PRH1: variants seen among roughly 807,000 people sequenced by gnomAD.
The protein encoded by PRH1 is salivary acidic proline-rich phosphoprotein 1/2.
A neutral mutation model predicts 7.9 loss-of-function variants in PRH1; 7 were observed. That is an observed-to-expected ratio of 0.89 (90% CI 0.50 to 1.67). PRH1 has a LOEUF of 1.67. PRH1 is among the 40% of genes most tolerant of loss of function. The pLI is 0.00. For missense variants in PRH1, 109 were observed against 223.6 expected (o/e 0.49, Z 3.27); for synonymous variants, 45 against 80.8 (o/e 0.56, Z 2.38).
At chr12:11,160,047 C>A (rs890128213) in intron 1 of PRH1, among the ~76,000 whole-genome samples, 3 of 152,074 alleles carry the variant, frequency 2.0e-5, no homozygotes, top group Non-Finnish European at 4.4e-5. Context: ...GAAGCGAAGT[C>A]GAGTATGTAA....
chr12:11,057,764 G>C (rs80303602), intron 1 of PRH1, among the ~76,000 whole-genome samples: 1 of 105,714 alleles, frequency 9.5e-6, no homozygotes, highest in South Asian at 3.4e-4. Flanking sequence ...ATAGCTTCTG[G>C]CACTTTTTAC....
chr12:11,029,748 C>T (rs1280918847), intron 1 of PRH1, among the ~76,000 whole-genome samples: 1 of 151,806 alleles, frequency 6.6e-6, no homozygotes, highest in African/African-American at 2.4e-5. Context: ...TTCCTCAGTA[C>T]CGCTTATGGT....
At chr12:11,104,436 A>C (rs555494891) in intron 1 of PRH1, among the ~76,000 whole-genome samples, 7 of 82,210 alleles carry the variant, frequency 8.5e-5, no homozygotes. Flanking sequence ...TTCCATCTTG[A>C]TAATTCCTCT....
rs1434906602 is a variant in PRH1 at position 11,080,407 on chromosome 12, T to C, written n.124-33219A>G. Among the ~76,000 whole-genome samples the C allele has an allele frequency of 3.4e-5, 4 of 116,744 alleles. 1 individual carries two copies. In the Admixed American group the frequency reaches 3.4e-4, roughly 10 times the overall value. 76.6% of individuals were successfully genotyped at this position (116,744 alleles called of 152,430 possible). The stretch of plus-strand genomic sequence containing the variant: ...TGATATATATTTAGGCAGCTTGTTT[T>C]TGAGCTATTATGAATAATGCTACAA... On this transcript the variant is annotated intron_variant and non_coding_transcript_variant, in intron 1 of 4. Transcript: ENST00000541977.
intron 2 of PRH1, among the ~76,000 whole-genome samples, chr12:10,893,081 T>C (rs1036112960): frequency 2.6e-5 from 4 of 152,240 alleles, no homozygotes; most frequent in African/African-American, 9.6e-5. Context: ...TTTTCATTAT[T>C]ACATCTTCAC....
intron 1 of PRH1, among the ~76,000 whole-genome samples, chr12:11,006,508 A>C (rs1940841575): frequency 6.6e-6 from 1 of 151,440 alleles, no homozygotes; most frequent in South Asian, 2.1e-4. Flanking sequence ...TCAGCTTGCC[A>C]AGTAACTGGA....
At chr12:10,985,895 CT>C in intron 1 of PRH1, 1 of 1,467,358 alleles carries the variant, frequency 6.8e-7, no homozygotes, top group Admixed American at 2.2e-5. Context: ...AGTTTGTTTT[CT>C]CCTAGAATAC....
rs1006166686 is a variant in PRH1, at chr12:11,128,059, C to T, written n.40-6879G>A. Among the ~76,000 whole-genome samples, 98 of 146,456 alleles carry T rather than the reference C, an allele frequency of 6.7e-4. 1 individual carries two copies. Among genetic ancestry groups the T allele is most frequent in the Non-Finnish European group, 2.2e-4 (15 of 67,082 alleles). ...CCAGGAGGCGGAGCTTGCAGTGAGCCGAGATGGCGCCACTGCACTCTAGCC... is the reference window on the plus strand; with the variant it reads ...CCAGGAGGCGGAGCTTGCAGTGAGCTGAGATGGCGCCACTGCACTCTAGCC... On this transcript the variant is annotated intron_variant and non_coding_transcript_variant, in intron 1 of 1. Transcript: ENST00000541175.
At chr12:11,124,648 G>A (rs1050236805) in intron 1 of PRH1, among the ~76,000 whole-genome samples, 4 of 139,920 alleles carry the variant, frequency 2.9e-5, no homozygotes, top group African/African-American at 5.1e-5. Flanking sequence ...TTATGTAAAC[G>A]TTGTCCAAAT....
At chr12:10,996,960 G>C in intron 1 of PRH1, 1 of 1,610,066 alleles carries the variant, frequency 6.2e-7, no homozygotes, top group East Asian at 2.2e-5. Context: ...GGAGTTGACT[G>C]GTTCTGTCCT....
chr12:10,978,078 T>A (rs201324885), intron 1 of PRH1, among the ~76,000 whole-genome samples: 439 of 130,596 alleles, frequency 3.4e-3, no homozygotes, highest in Middle Eastern at 4.6e-3. Context: ...TCATATGGAA[T>A]AAAAAAAAAA....
intron 2 of PRH1, among the ~76,000 whole-genome samples, chr12:10,890,520 T>A (rs1949555877): frequency 6.6e-6 from 1 of 152,224 alleles, no homozygotes; most frequent in African/African-American, 2.4e-5. Context: ...CAGAAGGCCC[T>A]GCTATCTTCT....
At chr12:10,894,469 A>G (rs1949617316) in intron 2 of PRH1, among the ~76,000 whole-genome samples, 1 of 152,148 alleles carries the variant, frequency 6.6e-6, no homozygotes, top group Non-Finnish European at 1.5e-5. Context: ...GACTCTACTA[A>G]CTATTTTCAT....
chr12:11,064,584 A>C (rs1943735663), intron 1 of PRH1, among the ~76,000 whole-genome samples: 1 of 152,132 alleles, frequency 6.6e-6, no homozygotes, highest in South Asian at 2.1e-4. Context: ...AAGATAATTT[A>C]ACTAAATGTA....
chr12:10,980,781 A>G (rs1047397078), intron 1 of PRH1, among the ~76,000 whole-genome samples: 1 of 152,170 alleles, frequency 6.6e-6, no homozygotes, highest in African/African-American at 2.4e-5. Flanking sequence ...TGCCCAGTAA[A>G]TAAGGAAAAA....
Position 11,096,421 on chromosome 12 carries a change from G to T in PRH1, n.124-49233C>A, listed in dbSNP as rs1282842708. Among the ~76,000 whole-genome samples, 4 of 114,740 alleles carry T rather than the reference G, an allele frequency of 3.5e-5. 2 individuals carry two copies. The highest frequency in any genetic ancestry group is 8.2e-5 in the Non-Finnish European group (4 of 48,746). 75.3% of individuals were successfully genotyped at this position (114,740 alleles called of 152,430 possible). ...ACTTTTTGTTCTCCTTATATAAATC[G>T]TTTTCTAACGGAGAAACTAAACCAA... On this transcript the variant is annotated intron_variant and non_coding_transcript_variant, in intron 1 of 4. Transcript: ENST00000541977.
chr12:10,971,358 C>T (rs1591748206), intron 2 of PRH1, among the ~76,000 whole-genome samples: 2 of 141,090 alleles, frequency 1.4e-5, no homozygotes, highest in East Asian at 4.1e-4. Flanking sequence ...GATCCTCTTA[C>T]ACTTGTGAGT....
In PRH1 at chr12:10,882,287, G is replaced by A. The variant is rs1263973145; in HGVS notation, c.512C>T (p.Pro171Leu). The A allele has an allele frequency of 6.2e-7, 1 of 1,611,748 alleles. No homozygotes were observed. Among genetic ancestry groups the A allele is most frequent in the African/African-American group, 1.3e-5 (1 of 74,800 alleles). ...TCCTTGTGGGCGGCCCCCTTGGGGA[G>A]GTGGTCCCTGGGGCTTTCCAGGAGG... is the stretch of plus-strand genomic sequence containing the variant. ...PPPPGKPQGPPPQGGRPQGPP... is the reference protein window; with the variant it reads ...PPPPGKPQGPLPQGGRPQGPP... Residue 171 changes from proline (P) to leucine (L), a missense_variant, in exon 3 of 4, where the codon CCT becomes CTT. Coordinates refer to ENST00000543626, the MANE Select transcript of PRH1 (RefSeq NM_001393989.1).
chr12:11,163,527 A>G (rs1460611780), intron 1 of PRH1, among the ~76,000 whole-genome samples: 1 of 152,234 alleles, frequency 6.6e-6, no homozygotes, highest in African/African-American at 2.4e-5. Flanking sequence ...TAATCTGAGT[A>G]CTGTTAGTTT....
Sources: allele counts gnomAD v4.1 joint callset (sites outside exome capture counted in the v4.1 genomes callset), GRCh38; gene constraint gnomAD v4.1.1; transcripts MANE v1.5; gene names NCBI Gene and HGNC (gene_info 2026-07-23, HGNC 2026-07-21).